The following ARB2A variants were observed in gnomAD, a reference collection of about 807,000 sequenced individuals.
ARB2A encodes the protein cotranscriptional regulator ARB2A.
chr5:93,965,540 A>G, the ARB2A span, among the ~76,000 whole-genome samples: 1 of 152,042 alleles, frequency 6.6e-6, no homozygotes, highest in Non-Finnish European at 1.5e-5. Flanking sequence ...TATAGCAGCA[A>G]AAGAAAATCA....
At chr5:93,867,206 T>C in the ARB2A span, among the ~76,000 whole-genome samples, 2 of 152,206 alleles carry the variant, frequency 1.3e-5, no homozygotes, top group Non-Finnish European at 2.9e-5. Flanking sequence ...GATATTATTA[T>C]TGCTATGACA....
chr5:93,877,758 G>A, the ARB2A span, among the ~76,000 whole-genome samples: 1 of 152,094 alleles, frequency 6.6e-6, no homozygotes, highest in Non-Finnish European at 1.5e-5. Flanking sequence ...GAGAGGAAGA[G>A]GTGGCATTTC....
the ARB2A span, among the ~76,000 whole-genome samples, chr5:93,871,838 G>A: frequency 6.6e-6 from 1 of 151,638 alleles, no homozygotes; most frequent in Non-Finnish European, 1.5e-5. Context: ...ACCCCACAGT[G>A]ACCTTAATAA....
chr5:94,090,348 T>C, the ARB2A span, among the ~76,000 whole-genome samples: 1 of 152,216 alleles, frequency 6.6e-6, no homozygotes. Flanking sequence ...TATATAAGAA[T>C]GCTTGTGATT....
the ARB2A span, among the ~76,000 whole-genome samples, chr5:93,692,889 T>C: frequency 6.6e-6 from 1 of 152,122 alleles, no homozygotes; most frequent in Non-Finnish European, 1.5e-5. Context: ...GAACTCAGGA[T>C]TAAGAAACTC....
At chr5:93,936,919 T>TA in the ARB2A span, among the ~76,000 whole-genome samples, 1 of 151,704 alleles carries the variant, frequency 6.6e-6, no homozygotes, top group African/African-American at 2.4e-5. Flanking sequence ...ACTCAACTGA[T>TA]ACATTTTTTA....
At chr5:93,865,205 C>T in the ARB2A span, among the ~76,000 whole-genome samples, 2 of 152,138 alleles carry the variant, frequency 1.3e-5, no homozygotes, top group African/African-American at 2.4e-5. Flanking sequence ...CCTCAGCCTC[C>T]TGAGTAGCTG....
the ARB2A span, among the ~76,000 whole-genome samples, chr5:93,772,015 A>T: frequency 6.6e-6 from 1 of 152,344 alleles, no homozygotes; most frequent in East Asian, 1.9e-4. Context: ...ACGTATGTTT[A>T]CTGTGGCACT....
At chr5:93,977,925 A>G in the ARB2A span, among the ~76,000 whole-genome samples, 2 of 152,192 alleles carry the variant, frequency 1.3e-5, no homozygotes, top group Non-Finnish European at 2.9e-5. Flanking sequence ...AACAACCAAA[A>G]AACAAATAAC....
chr5:93,738,387 TAGTTTCCCAAAA>T, the ARB2A span: 1 of 152,586 alleles, frequency 6.6e-6, no homozygotes, highest in East Asian at 1.9e-4. Context: ...AACAGTTTGG[TAGTTTCCCAAAA>T]AGTTAAGCAT....
At chr5:94,007,053 A>G in the ARB2A span, among the ~76,000 whole-genome samples, 8 of 152,200 alleles carry the variant, frequency 5.3e-5, no homozygotes, top group Non-Finnish European at 1.2e-4. Context: ...AACAAATCAT[A>G]TGACAAATGC....
At chr5:93,778,555 C>CT in the ARB2A span, among the ~76,000 whole-genome samples, 2 of 152,018 alleles carry the variant, frequency 1.3e-5, no homozygotes, top group Non-Finnish European at 2.9e-5. Flanking sequence ...CTTTCTCTCT[C>CT]TTTTTTTTAA....
the ARB2A span, among the ~76,000 whole-genome samples, chr5:93,984,721 A>G: frequency 6.6e-6 from 1 of 152,212 alleles, no homozygotes; most frequent in Non-Finnish European, 1.5e-5. Context: ...AACTATAAGC[A>G]CCTTATAAAT....
At chr5:94,077,807 T>C in the ARB2A span, among the ~76,000 whole-genome samples, 2 of 152,354 alleles carry the variant, frequency 1.3e-5, no homozygotes, top group South Asian at 4.1e-4. Flanking sequence ...ACCACTGCTG[T>C]TTAAATATGG....
chr5:93,810,735 A>C, the ARB2A span, among the ~76,000 whole-genome samples: 22 of 152,212 alleles, frequency 1.4e-4, no homozygotes, highest in Admixed American at 1.2e-3. Context: ...CCAAATGTAC[A>C]AGAATCCTGC....
At chr5:94,025,722 AATGT>A in the ARB2A span, among the ~76,000 whole-genome samples, 3 of 152,232 alleles carry the variant, frequency 2.0e-5, no homozygotes, top group African/African-American at 7.2e-5. Context: ...TAACTGAATG[AATGT>A]TAGTACTGTC....
chr5:94,051,468 C>A, the ARB2A span, among the ~76,000 whole-genome samples: 1 of 152,108 alleles, frequency 6.6e-6, no homozygotes, highest in South Asian at 2.1e-4. Context: ...AAGATCTTTA[C>A]GGATAATGAC....
chr5:93,894,359 A>C, the ARB2A span, among the ~76,000 whole-genome samples: 2 of 152,090 alleles, frequency 1.3e-5, no homozygotes, highest in East Asian at 1.9e-4. Context: ...ACCATGTTTA[A>C]TTCTTATTAA....
chr5:93,919,785 GA>G, the ARB2A span, among the ~76,000 whole-genome samples: 1 of 152,170 alleles, frequency 6.6e-6, no homozygotes, highest in South Asian at 2.1e-4. Flanking sequence ...GTGGGAGGGG[GA>G]AAGTAAAAAC....
Sources: gnomAD v4.1 joint callset for allele counts (sites outside exome capture counted in the v4.1 genomes callset) on GRCh38, gnomAD v4.1.1 for gene constraint, MANE v1.5 for transcripts, NCBI Gene and HGNC (gene_info 2026-07-23, HGNC 2026-07-21) for gene names.